Variants in SLCO1B1 observed in about 807,000 individuals in gnomAD.
SLCO1B1 encodes solute carrier organic anion transporter family member 1B1, also known as OATP-2.
A neutral mutation model predicts 70.1 loss-of-function variants in SLCO1B1; 81 were observed. That is an observed-to-expected ratio of 1.16 (90% CI 0.97 to 1.39). The LOEUF (loss-of-function observed/expected upper bound fraction) is 1.39. Among genes scored for constraint, SLCO1B1 ranks in the 40% most tolerant of loss-of-function variants. The pLI is 0.00. For synonymous variants in SLCO1B1, 283 were observed against 271.5 expected (o/e 1.04, Z -0.42); for missense variants, 895 against 799.6 (o/e 1.12, Z -1.44).
At chr12:21,154,367 G>A (rs557985331) in intron 2 of SLCO1B1, among the ~76,000 whole-genome samples, 31 of 152,070 alleles carry the variant, frequency 2.0e-4, no homozygotes, top group African/African-American at 7.5e-4. Context: ...AACATGTGAG[G>A]TTACAGTGAG....
chr12:21,172,700 AATT>A lies in SLCO1B1; in HGVS notation c.141_143del (p.Ile47del). The A allele has an allele frequency of 2.5e-6, 4 of 1,613,742 alleles. No homozygotes were observed. Among genetic ancestry groups the A allele is most frequent in the Non-Finnish European group, 3.4e-6 (4 of 1,179,806 alleles). On this transcript the variant is annotated inframe_deletion, in exon 3 of 15. Transcript: ENST00000256958. ...GCTTTATTGCTAAGACACTAGGTGC[AATT>A]ATTATGAAAAGTTCCATCATTCATA...
chr12:21,215,808 A>C (rs1171273428), intron 11 of SLCO1B1, among the ~76,000 whole-genome samples: 1 of 152,084 alleles, frequency 6.6e-6, no homozygotes, highest in African/African-American at 2.4e-5. Context: ...TTGTATTTCC[A>C]GTAGAATTTG....
At chr12:21,183,389 G>A (rs1199025804) in intron 7 of SLCO1B1, among the ~76,000 whole-genome samples, 1 of 151,948 alleles carries the variant, frequency 6.6e-6, no homozygotes, top group Non-Finnish European at 1.5e-5. Context: ...TAAAGACAGG[G>A]TTTTCCATGT....
chr12:21,206,997 C>T (rs527409697), intron 11 of SLCO1B1, among the ~76,000 whole-genome samples: 7 of 151,830 alleles, frequency 4.6e-5, no homozygotes, highest in Admixed American at 2.6e-4. Flanking sequence ...GAAGAAAGGC[C>T]ACAACTTTAA....
intron 7 of SLCO1B1, among the ~76,000 whole-genome samples, chr12:21,181,529 T>A (rs1333363277): frequency 6.6e-6 from 1 of 152,198 alleles, no homozygotes; most frequent in East Asian, 1.9e-4. Context: ...TAGTTTGTTA[T>A]CAAGTCAATG....
chr12:21,144,268 A>G (rs1264918554), intron 2 of SLCO1B1, among the ~76,000 whole-genome samples: 1 of 152,138 alleles, frequency 6.6e-6, no homozygotes, highest in African/African-American at 2.4e-5. Context: ...CAGGAATTTC[A>G]TAATACAATT....
intron 8 of SLCO1B1, among the ~76,000 whole-genome samples, chr12:21,200,012 G>C (rs548213784): frequency 1.3e-5 from 2 of 152,210 alleles, no homozygotes; most frequent in South Asian, 2.1e-4. Context: ...TGTTGGCCAG[G>C]CTGGTCTCGA....
In SLCO1B1 at chr12:21,239,560, C is replaced by G. The variant is rs988811397; in HGVS notation, c.*371C>G. ...AAAAAGGAGGAGCTAGATTCATATC[C>G]TAAGTAAAGAGAAATGCCTAGTGTC... On this transcript the variant is annotated 3_prime_UTR_variant, in exon 15 of 15. Transcript: ENST00000256958. Among the ~76,000 whole-genome samples the G allele has an allele frequency of 6.6e-6, 1 of 152,074 alleles. No individual in the cohort carries two copies. Among genetic ancestry groups the G allele is most frequent in the African/African-American group, 2.4e-5 (1 of 41,416 alleles).
At position 21,161,805 on chromosome 12, in the gene SLCO1B1, T is replaced by G. The variant is rs559548985; in HGVS notation, c.85-10845T>G. Among the ~76,000 whole-genome samples, 13 of 152,210 alleles carry G rather than the reference T, an allele frequency of 8.5e-5. 1 individual carries two copies. Among genetic ancestry groups the G allele is most frequent in the Admixed American group, 3.9e-4 (6 of 15,280 alleles). On this transcript the variant is annotated intron_variant, in intron 2 of 14. Transcript: ENST00000256958. Reference sequence around the variant, plus strand: ...GGCGAATCACTTGAGGTCGGGGGTTTGAGATCAGCCTGGCCAACATGGTGA... The same window carrying G: ...GGCGAATCACTTGAGGTCGGGGGTTGGAGATCAGCCTGGCCAACATGGTGA...
chr12:21,205,797 C>A, intron 10 of SLCO1B1, 71 bp from the exon 11 acceptor site: 1 of 1,110,444 alleles, frequency 9.0e-7, no homozygotes, highest in South Asian at 1.5e-5. Flanking sequence ...TTACTTCTTC[C>A]TTCTCCTCCC....
At chr12:21,223,921 C>T (rs1459307825) in intron 13 of SLCO1B1, among the ~76,000 whole-genome samples, 1 of 152,136 alleles carries the variant, frequency 6.6e-6, no homozygotes, top group Non-Finnish European at 1.5e-5. Flanking sequence ...AACAACATAT[C>T]TGTCTGTGAA....
At chr12:21,132,544 A>G (rs1382473552) in intron 1 of SLCO1B1, among the ~76,000 whole-genome samples, 1 of 151,942 alleles carries the variant, frequency 6.6e-6, no homozygotes, top group Non-Finnish European at 1.5e-5. Flanking sequence ...GGTGTGAGAT[A>G]GTATCTCATT....
At chr12:21,146,525 A>T (rs1940385043) in intron 2 of SLCO1B1, among the ~76,000 whole-genome samples, 1 of 152,072 alleles carries the variant, frequency 6.6e-6, no homozygotes, top group South Asian at 2.1e-4. Flanking sequence ...CCCAAGGTGG[A>T]AACTTAGATA....
chr12:21,182,363 C>A (rs1940911885), intron 7 of SLCO1B1, among the ~76,000 whole-genome samples: 1 of 152,108 alleles, frequency 6.6e-6, no homozygotes, highest in South Asian at 2.1e-4. Context: ...GCCTTGAACC[C>A]AGGGGGTTTT....
At chr12:21,145,796 T>G (rs1405593289) in intron 2 of SLCO1B1, among the ~76,000 whole-genome samples, 3 of 152,280 alleles carry the variant, frequency 2.0e-5, no homozygotes, top group Admixed American at 1.3e-4. Flanking sequence ...TTGATTCTTA[T>G]AAATATTATA....
At chr12:21,187,627 G>C (rs894868479) in intron 7 of SLCO1B1, among the ~76,000 whole-genome samples, 1 of 151,422 alleles carries the variant, frequency 6.6e-6, no homozygotes, top group Non-Finnish European at 1.5e-5. Context: ...CATCATAAAA[G>C]ACTAGAAGAA....
At chr12:21,181,811 T>A (rs917953325) in intron 7 of SLCO1B1, among the ~76,000 whole-genome samples, 1 of 152,028 alleles carries the variant, frequency 6.6e-6, no homozygotes, top group Non-Finnish European at 1.5e-5. Flanking sequence ...TGGGGAGATT[T>A]GTGAAAATTT....
intron 10 of SLCO1B1, among the ~76,000 whole-genome samples, chr12:21,204,633 A>G (rs545140870): frequency 6.6e-6 from 1 of 152,102 alleles, no homozygotes; most frequent in East Asian, 1.9e-4. Context: ...ACTGATTGCA[A>G]TATCTGGACT....
chr12:21,197,247 T>G, intron 8 of SLCO1B1, 59 bp downstream of exon 8: 1 of 1,587,720 alleles, frequency 6.3e-7, no homozygotes, highest in East Asian at 2.3e-5. Flanking sequence ...AAAGGAAGAA[T>G]GAGTATTCCA....
Sources: gnomAD v4.1 joint callset for allele counts (sites outside exome capture counted in the v4.1 genomes callset) on GRCh38, gnomAD v4.1.1 for gene constraint, MANE v1.5 for transcripts, NCBI Gene and HGNC (gene_info 2026-07-23, HGNC 2026-07-21) for gene names.